The following FGGY variants were observed in gnomAD, a reference collection of about 807,000 sequenced individuals.
The protein encoded by FGGY is FGGY carbohydrate kinase domain-containing protein.
Under a neutral mutation model 71.3 loss-of-function variants are expected in FGGY, and 72 were observed. The ratio of observed to expected loss-of-function variants is 1.01; its 90% CI spans 0.84 to 1.23. The LOEUF is 1.23. Ranked by LOEUF, FGGY falls within the 50% of genes most tolerant of loss-of-function variation. The pLI is 0.00. For missense variants in FGGY, 668 were observed against 682.3 expected (o/e 0.98, Z 0.23); for synonymous variants, 251 against 250.3 (o/e 1.00, Z -0.02).
intron 5 of FGGY, among the ~76,000 whole-genome samples, chr1:59,396,005 G>A (rs2061278118): frequency 6.6e-6 from 1 of 152,188 alleles, no homozygotes; most frequent in Non-Finnish European, 1.5e-5. Flanking sequence ...TGTTCTGGAA[G>A]TATGGCCTTC....
chr1:59,548,034 TA>T (rs1435154865), intron 7 of FGGY, among the ~76,000 whole-genome samples: 1 of 152,186 alleles, frequency 6.6e-6, no homozygotes, highest in Non-Finnish European at 1.5e-5. Context: ...ACACATAAAC[TA>T]AAGTTACAGT....
At chr1:59,513,651 T>C (rs1327002108) in intron 7 of FGGY, among the ~76,000 whole-genome samples, 1 of 152,206 alleles carries the variant, frequency 6.6e-6, no homozygotes, top group Non-Finnish European at 1.5e-5. Context: ...TCCATTAGAG[T>C]GTGAACTCCT....
At chr1:59,481,752 C>T (rs2049185) in intron 6 of FGGY, among the ~76,000 whole-genome samples, 1,834 of 152,162 alleles carry the variant, frequency 0.012, 34 homozygotes, top group African/African-American at 0.041. Flanking sequence ...TTTGCAAGGC[C>T]AGCGGTCTAA....
At chr1:59,451,776 G>C (rs1003253725) in intron 5 of FGGY, among the ~76,000 whole-genome samples, 1 of 151,930 alleles carries the variant, frequency 6.6e-6, no homozygotes, top group Non-Finnish European at 1.5e-5. Flanking sequence ...ATTTTGTCTG[G>C]GTATAGGATT....
At chr1:59,646,655 G>A (rs2097097408) in intron 11 of FGGY, among the ~76,000 whole-genome samples, 1 of 151,996 alleles carries the variant, frequency 6.6e-6, no homozygotes, top group African/African-American at 2.4e-5. Flanking sequence ...GATGCACCAG[G>A]CACCATGGTA....
intron 6 of FGGY, among the ~76,000 whole-genome samples, chr1:59,503,257 A>G (rs947071070): frequency 6.6e-6 from 1 of 152,204 alleles, no homozygotes; most frequent in East Asian, 1.9e-4. Context: ...GGTGTTAGCA[A>G]TGAAGGTGAT....
intron 7 of FGGY, among the ~76,000 whole-genome samples, chr1:59,521,904 A>T (rs1363861716): frequency 1.3e-5 from 2 of 152,250 alleles, no homozygotes; most frequent in Non-Finnish European, 2.9e-5. Context: ...TTCCTGAGCC[A>T]CACTTGAGTA....
intron 8 of FGGY, among the ~76,000 whole-genome samples, chr1:59,589,985 T>C (rs951330826): frequency 3.3e-5 from 5 of 151,818 alleles, no homozygotes; most frequent in African/African-American, 1.2e-4. Flanking sequence ...TTCAAAAAAT[T>C]AATGAATCTA....
In FGGY at chr1:59,749,676, C is replaced by A. The variant is rs143214068; in HGVS notation, c.1513-8255C>A. ...CCCCTGGCCACATGGAGCTTGCATG[C>A]TAAAGGGATAATAAATATCTAAAGT... On this transcript the variant is annotated intron_variant, in intron 14 of 15. Transcript: ENST00000303721. Among the ~76,000 whole-genome samples, 90 of 152,174 alleles carry A rather than the reference C, an allele frequency of 5.9e-4. 1 individual carries two copies. In the East Asian group the frequency reaches 0.014, roughly 23 times the overall value.
intron 1 of FGGY, among the ~76,000 whole-genome samples, chr1:59,312,646 C>T (rs1260980819): frequency 1.3e-5 from 2 of 152,144 alleles, no homozygotes; most frequent in Non-Finnish European, 1.5e-5. Flanking sequence ...TTGGGGATGT[C>T]ATTTGATGAG....
At chr1:59,374,913 T>TG (rs1394971967) in intron 4 of FGGY, among the ~76,000 whole-genome samples, 4 of 14,834 alleles carry the variant, frequency 2.7e-4, no homozygotes, top group African/African-American at 1.1e-3. Context: ...TGTTGTGGGG[T>TG]GGGGGGAGGG....
intron 14 of FGGY, among the ~76,000 whole-genome samples, chr1:59,750,959 C>T (rs1050817005): frequency 3.3e-5 from 5 of 151,756 alleles, no homozygotes; most frequent in East Asian, 1.9e-4. Context: ...CTGATACACA[C>T]GTGCTCGTCT....
intron 10 of FGGY, among the ~76,000 whole-genome samples, chr1:59,632,775 C>T (rs2096919869): frequency 6.6e-6 from 1 of 152,088 alleles, no homozygotes; most frequent in African/African-American, 2.4e-5. Flanking sequence ...TGAGAGTCCC[C>T]TTTTAGCCTT....
At chr1:59,611,475 C>T (rs1401822682) in intron 9 of FGGY, among the ~76,000 whole-genome samples, 1 of 152,166 alleles carries the variant, frequency 6.6e-6, no homozygotes, top group Non-Finnish European at 1.5e-5. Flanking sequence ...ACAGAAAGGA[C>T]ATCCACACCA....
chr1:59,484,229 A>C (rs922033756), intron 6 of FGGY, among the ~76,000 whole-genome samples: 3 of 152,180 alleles, frequency 2.0e-5, no homozygotes, highest in African/African-American at 7.2e-5. Flanking sequence ...TTAGATCTCC[A>C]GTCATTTCAA....
chr1:59,448,724 G>A (rs1201027861), intron 5 of FGGY, among the ~76,000 whole-genome samples: 3 of 152,258 alleles, frequency 2.0e-5, no homozygotes, highest in Non-Finnish European at 4.4e-5. Context: ...GATGAAAAAG[G>A]CAGATATGGA....
At chr1:59,742,480 T>A (rs2098159376) in intron 14 of FGGY, among the ~76,000 whole-genome samples, 1 of 152,262 alleles carries the variant, frequency 6.6e-6, no homozygotes, top group Non-Finnish European at 1.5e-5. Flanking sequence ...TAGTTTTCCT[T>A]TCTCCTCTCC....
intron 5 of FGGY, among the ~76,000 whole-genome samples, chr1:59,381,613 G>A (rs1472271274): frequency 1.3e-5 from 2 of 149,660 alleles, no homozygotes; most frequent in Non-Finnish European, 3.0e-5. Flanking sequence ...GAATGTCATT[G>A]TGTGATGTAT....
chr1:59,758,742 A>G (rs1266928533), intron 15 of FGGY, among the ~76,000 whole-genome samples: 1 of 152,246 alleles, frequency 6.6e-6, no homozygotes, highest in Non-Finnish European at 1.5e-5. Flanking sequence ...CATTCAGGTT[A>G]CTATAAACAA....
Sources: gnomAD v4.1 joint callset for allele counts (sites outside exome capture counted in the v4.1 genomes callset) on GRCh38, gnomAD v4.1.1 for gene constraint, MANE v1.5 for transcripts, NCBI Gene and HGNC (gene_info 2026-07-23, HGNC 2026-07-21) for gene names.